The following CNTNAP2 variants were observed in gnomAD, a reference collection of about 807,000 sequenced individuals.
CNTNAP2 encodes contactin-associated protein-like 2.
In CNTNAP2, 98 loss-of-function variants were observed where a neutral mutation model predicts 155.2. The observed-to-expected ratio is 0.63, with a 90% CI of 0.54 to 0.75. The LOEUF (loss-of-function observed/expected upper bound fraction) is 0.75. Among genes scored for constraint, CNTNAP2 ranks in the 30% least tolerant of loss-of-function variants. CNTNAP2 has a pLI of 0.00. For missense variants in CNTNAP2, 1,727 were observed against 1,688.1 expected (o/e 1.02, Z -0.40); for synonymous variants, 651 against 631.2 (o/e 1.03, Z -0.47).
chr7:148,027,983 A>G (rs1477215900), intron 15 of CNTNAP2, among the ~76,000 whole-genome samples: 1 of 152,194 alleles, frequency 6.6e-6, no homozygotes, highest in African/African-American at 2.4e-5. Flanking sequence ...GATGATATCA[A>G]ATCGAGGCAT....
intron 15 of CNTNAP2, among the ~76,000 whole-genome samples, chr7:148,025,117 T>A (rs1319298825): frequency 6.6e-6 from 1 of 152,220 alleles, no homozygotes; most frequent in African/African-American, 2.4e-5. Flanking sequence ...GCCTGAATTC[T>A]GCTAAGATAT....
chr7:146,120,535 G>T (rs534237514), intron 1 of CNTNAP2, among the ~76,000 whole-genome samples: 1 of 152,014 alleles, frequency 6.6e-6, no homozygotes, highest in East Asian at 1.9e-4. Flanking sequence ...AACCTACAAC[G>T]TATCATTTTA....
At chr7:148,004,525 C>T (rs905462093) in intron 15 of CNTNAP2, among the ~76,000 whole-genome samples, 1 of 152,064 alleles carries the variant, frequency 6.6e-6, no homozygotes, top group African/African-American at 2.4e-5. Flanking sequence ...ATATGAGAAG[C>T]TTTGTTCATT....
intron 14 of CNTNAP2, among the ~76,000 whole-genome samples, chr7:147,907,738 T>C (rs1799987848): frequency 6.6e-6 from 1 of 152,154 alleles, no homozygotes; most frequent in East Asian, 1.9e-4. Flanking sequence ...TTATACTATA[T>C]GGGATAGTTA....
At chr7:147,285,053 T>C (rs1805145601) in intron 8 of CNTNAP2, among the ~76,000 whole-genome samples, 1 of 151,910 alleles carries the variant, frequency 6.6e-6, no homozygotes, top group African/African-American at 2.4e-5. Flanking sequence ...TGGTGGCATG[T>C]ATAAAAACAG....
intron 3 of CNTNAP2, among the ~76,000 whole-genome samples, chr7:146,843,258 C>T (rs191115104): frequency 0.041 from 5,329 of 130,876 alleles, 643 homozygotes; most frequent in African/African-American, 0.16. Context: ...ATGATCCACC[C>T]GCCTCGGCCT....
chr7:147,546,554 T>TA (rs1277613394), intron 11 of CNTNAP2, among the ~76,000 whole-genome samples: 1 of 152,108 alleles, frequency 6.6e-6, no homozygotes, highest in Admixed American at 6.6e-5. Context: ...TTTTGAGGAT[T>TA]AAAAAAAGTA....
intron 12 of CNTNAP2, among the ~76,000 whole-genome samples, chr7:147,564,020 T>C (rs544130893): frequency 5.3e-5 from 8 of 152,042 alleles, no homozygotes; most frequent in African/African-American, 1.7e-4. Context: ...CTGGGCAACA[T>C]AGTGAGACCA....
intron 4 of CNTNAP2, among the ~76,000 whole-genome samples, chr7:147,078,674 AATTATTCCTCC>A (rs1476821588): frequency 6.6e-6 from 1 of 152,052 alleles, no homozygotes; most frequent in Non-Finnish European, 1.5e-5. Context: ...GTATCTATCT[AATTATTCCTCC>A]ATTAAAAAAA....
chr7:147,421,744 G>A (rs1226311171), intron 10 of CNTNAP2, among the ~76,000 whole-genome samples: 3 of 152,026 alleles, frequency 2.0e-5, no homozygotes, highest in Non-Finnish European at 1.5e-5. Context: ...TGGGTCACGG[G>A]GGTGGATCCC....
chr7:148,147,409 C>G, intron 16 of CNTNAP2, 82 bp from the exon 17 acceptor site: 1 of 1,364,386 alleles, frequency 7.3e-7, no homozygotes, highest in Non-Finnish European at 1.0e-6. Flanking sequence ...CCTCTCCCTG[C>G]TTTGTTTGTC....
chr7:148,123,732 GAAGA>G (rs570606654), intron 16 of CNTNAP2, among the ~76,000 whole-genome samples: 2,221 of 147,270 alleles, frequency 0.015, 47 homozygotes, highest in African/African-American at 0.049. Flanking sequence ...AAAGAAAAAG[GAAGA>G]AAGAAAGAAA....
intron 1 of CNTNAP2, among the ~76,000 whole-genome samples, chr7:146,303,071 CATGTGTGTGT>C (rs563092704): frequency 0.033 from 4,222 of 128,200 alleles, 91 homozygotes; most frequent in African/African-American, 0.088. Context: ...CCTTTGTGTG[CATGTGTGTGT>C]GTGTGTGTGT....
At chr7:147,563,165 C>T (rs1800098213) in intron 12 of CNTNAP2, among the ~76,000 whole-genome samples, 1 of 152,198 alleles carries the variant, frequency 6.6e-6, no homozygotes, top group South Asian at 2.1e-4. Flanking sequence ...TTCAGTAAAC[C>T]TCAGAATCTT....
intron 14 of CNTNAP2, among the ~76,000 whole-genome samples, chr7:147,933,410 G>C (rs2116802365): frequency 1.3e-5 from 2 of 151,720 alleles, no homozygotes; most frequent in East Asian, 3.9e-4. Flanking sequence ...GCCAAGATGT[G>C]GAAATAACCT....
At chr7:146,226,995 A>G (rs1165440487) in intron 1 of CNTNAP2, among the ~76,000 whole-genome samples, 1 of 152,236 alleles carries the variant, frequency 6.6e-6, no homozygotes, top group African/African-American at 2.4e-5. Context: ...TATTTATACT[A>G]AATGAATGAA....
chr7:146,926,547 G>A (rs1169575040), intron 3 of CNTNAP2, among the ~76,000 whole-genome samples: 1 of 152,078 alleles, frequency 6.6e-6, no homozygotes, highest in African/African-American at 2.4e-5. Flanking sequence ...TGGAATGAAT[G>A]AATGAATTCT....
chr7:146,550,589 C>T (rs1798107058), intron 1 of CNTNAP2, among the ~76,000 whole-genome samples: 1 of 151,636 alleles, frequency 6.6e-6, no homozygotes, highest in South Asian at 2.1e-4. Context: ...TTCCAAAATG[C>T]CAACAATTAT....
chr7:146,897,670 C>T (rs1173975462), intron 3 of CNTNAP2, among the ~76,000 whole-genome samples: 1 of 151,902 alleles, frequency 6.6e-6, no homozygotes, highest in African/African-American at 2.4e-5. Flanking sequence ...TTTGTCTCTG[C>T]CCTTTCTTAG....
Sources: gnomAD v4.1 joint callset for allele counts (sites outside exome capture counted in the v4.1 genomes callset) on GRCh38, gnomAD v4.1.1 for gene constraint, MANE v1.5 for transcripts, NCBI Gene and HGNC (gene_info 2026-07-23, HGNC 2026-07-21) for gene names.